NAIP: variants seen among roughly 807,000 people sequenced by gnomAD.
NAIP encodes the protein baculoviral IAP repeat-containing protein 1.
Under a neutral mutation model 23.0 loss-of-function variants are expected in NAIP, and 15 were observed. The observed-to-expected ratio is 0.65, with a 90% CI of 0.44 to 1.00. NAIP has a LOEUF of 1.00. Ranked by LOEUF, NAIP falls within the 50% of genes least tolerant of loss-of-function variation. NAIP has a pLI of 0.00. For missense variants in NAIP, 265 were observed against 278.8 expected (o/e 0.95, Z 0.35); for synonymous variants, 100 against 100.2 (o/e 1.00, Z 0.01).
At chr5:70,980,581 AGAG>A (rs1352082196) in intron 12 of NAIP, among the ~76,000 whole-genome samples, 1 of 40,622 alleles carries the variant, frequency 2.5e-5, no homozygotes, top group Non-Finnish European at 4.9e-5. Context: ...AAAAAAAAGA[AGAG>A]AAAAGAAATA....
At chr5:70,978,109 G>GCACACACA (rs1216316391) in intron 13 of NAIP, among the ~76,000 whole-genome samples, 29 of 22,572 alleles carry the variant, frequency 1.3e-3, no homozygotes, top group African/African-American at 2.2e-3. Context: ...ATATATGTAT[G>GCACACACA]CACACACACA....
At chr5:71,011,957 C>T (rs975945867) in intron 4 of NAIP, among the ~76,000 whole-genome samples, 1 of 151,430 alleles carries the variant, frequency 6.6e-6, no homozygotes, top group African/African-American at 2.4e-5. Flanking sequence ...CAAAACCCTC[C>T]AATACTGCAG....
At position 70,979,584 on chromosome 5, in the gene NAIP, A is replaced by T. The variant is rs1226291424; in HGVS notation, c.3442+285T>A. On this transcript the variant is annotated intron_variant, in intron 13 of 16. Transcript: ENST00000517649. The stretch of plus-strand genomic sequence containing the variant: ...CGGGAGACTGTCTCAAAAAAAAAAA[A>T]AATAATAATAATAATAATAATAATA... 1.6e-3 allele frequency among the ~76,000 whole-genome samples: 70 copies of T among 42,804 alleles called. 22 individuals are homozygous for T. The highest frequency in any genetic ancestry group is 2.9e-3 in the African/African-American group (27 of 9,220). 28.1% of individuals were successfully genotyped at this position (42,804 alleles called of 152,430 possible). A position where few individuals can be genotyped will look rare whatever the true frequency, so the allele number is the denominator to read the frequency against.
intron 4 of NAIP, 197 bp from the exon 5 acceptor site, chr5:71,011,571 C>T: frequency 1.7e-6 from 1 of 585,732 alleles, no homozygotes; most frequent in African/African-American, 1.9e-5. Context: ...AGGTACAGAA[C>T]CCTAAGCTGT....
At chr5:71,014,741 A>G (rs1022355356) in intron 3 of NAIP, among the ~76,000 whole-genome samples, 1 of 151,164 alleles carries the variant, frequency 6.6e-6, no homozygotes, top group Admixed American at 6.6e-5. Flanking sequence ...CATCTCTACA[A>G]AAATAAAAAA....
chr5:70,979,584 A>AAAATAAT (rs1331000647), intron 13 of NAIP, among the ~76,000 whole-genome samples: 1 of 42,822 alleles, frequency 2.3e-5, no homozygotes, highest in African/African-American at 1.1e-4. Flanking sequence ...AAAAAAAAAA[A>AAAATAAT]AATAATAATA....
At position 71,008,227 on chromosome 5, in the gene NAIP, G is replaced by A. The variant is rs555903769; in HGVS notation, c.668+3048C>T. 1.9e-4 allele frequency among the ~76,000 whole-genome samples: 29 copies of A among 149,408 alleles called. 1 individual carries two copies. The highest frequency in any genetic ancestry group is 6.9e-4 in the African/African-American group (28 of 40,758). Reference sequence around the variant, plus strand: ...TGGGGTTACAGGTGCCTGCCACCACGCCTGGCCAATTTTTGTATTTTTAAT... The same window carrying A: ...TGGGGTTACAGGTGCCTGCCACCACACCTGGCCAATTTTTGTATTTTTAAT... On this transcript the variant is annotated intron_variant, in intron 5 of 16. Coordinates refer to ENST00000517649, the MANE Select transcript of NAIP (RefSeq NM_004536.3).
chr5:71,009,186 A>G (rs1300863965), intron 5 of NAIP, among the ~76,000 whole-genome samples: 41 of 147,796 alleles, frequency 2.8e-4, no homozygotes, highest in African/African-American at 9.2e-4. Context: ...CCTTGTCGCT[A>G]TAAAAGATAT....
rs774922854 is a variant in NAIP, at chr5:71,011,417, CA to C, written c.569-44del. On this transcript the variant is annotated intron_variant, in intron 4 of 16. Transcript: ENST00000517649. The stretch of plus-strand genomic sequence containing the variant: ...TATTTAGATTGCCTGGCAGTGGCAC[CA>C]GGGGGTATGTACACAGAGTTGATTG... 16 of 1,453,490 alleles carry C rather than the reference CA, an allele frequency of 1.1e-5. No homozygotes were observed. The African/African-American group carries it at 1.7e-4, about 15-fold the overall frequency. The allele number at this position is 1,453,490 out of a possible 1,614,324, so 90.0% of individuals were successfully genotyped here.
chr5:71,007,967 G>C (rs1293535349), intron 5 of NAIP, among the ~76,000 whole-genome samples: 1 of 135,332 alleles, frequency 7.4e-6, no homozygotes, highest in Admixed American at 7.5e-5. Flanking sequence ...GGGGAGAGGA[G>C]AGTTCATCAC....
At chr5:71,008,444 T>C (rs1750976557) in intron 5 of NAIP, among the ~76,000 whole-genome samples, 1 of 92,830 alleles carries the variant, frequency 1.1e-5, no homozygotes, top group Non-Finnish European at 2.2e-5. Context: ...TCCAGTTTTG[T>C]AGTTAATTTA....
intron 5 of NAIP, 74 bp downstream of exon 5, chr5:71,011,201 C>T: frequency 8.6e-7 from 1 of 1,160,448 alleles, no homozygotes; most frequent in Non-Finnish European, 1.2e-6. Context: ...CCACTATACT[C>T]CAGCCTGGGT....
Position 71,011,641 on chromosome 5 carries a change from C to T in NAIP, c.569-267G>A, listed in dbSNP as rs1335142280. ...GCTGGTATGTTGCTCTTTGAGTTCT[C>T]AGGGTCAAAGTGATAGGGAAGCCGA... On this transcript the variant is annotated intron_variant, in intron 4 of 16. Coordinates refer to ENST00000517649, the MANE Select transcript of NAIP (RefSeq NM_004536.3). 7.9e-6 allele frequency: 4 copies of T among 508,450 alleles called. 1 individual carries two copies. Among genetic ancestry groups the T allele is most frequent in the Non-Finnish European group, 1.4e-5 (4 of 283,266 alleles). 31.5% of individuals were successfully genotyped at this position (508,450 alleles called of 1,614,324 possible).
At chr5:70,996,889 C>G (rs1367378422) in intron 9 of NAIP, among the ~76,000 whole-genome samples, 5 of 79,746 alleles carry the variant, frequency 6.3e-5, no homozygotes, top group Non-Finnish European at 1.3e-4. Flanking sequence ...CATTGTTGGT[C>G]AAACTGTATG....
At position 71,012,923 on chromosome 5, in the gene NAIP, A is replaced by T. The variant is rs1474082804; in HGVS notation, c.-3-5T>A. The T allele has an allele frequency of 6.4e-7, 1 of 1,564,616 alleles. No individual in the cohort carries two copies. The highest frequency in any genetic ancestry group is 8.6e-7 in the Non-Finnish European group (1 of 1,157,386). On this transcript the variant is annotated splice_region_variant and splice_polypyrimidine_tract_variant and intron_variant, in intron 3 of 16. Transcript: ENST00000517649. ...TTTCTGCTGGGTGGCCATTTTCTGA[A>T]AAGGAAAATAAAGCAGGTTGATCCC...
At chr5:71,017,443 A>C (rs115420700) in intron 3 of NAIP, among the ~76,000 whole-genome samples, 10 of 121,796 alleles carry the variant, frequency 8.2e-5, no homozygotes, top group African/African-American at 2.7e-4. Context: ...ACTAGGATAC[A>C]TTAGAAATCT....
At chr5:71,012,974 G>A (rs1751239416) in intron 3 of NAIP, 56 bp from the exon 4 acceptor site, 4 of 1,395,064 alleles carry the variant, frequency 2.9e-6, no homozygotes, top group Non-Finnish European at 9.6e-7. Context: ...TCTTAGAAGA[G>A]CATTTCCCAC....
chr5:71,016,518 T>C (rs1277238971), intron 3 of NAIP, among the ~76,000 whole-genome samples: 55 of 151,766 alleles, frequency 3.6e-4, no homozygotes, highest in Non-Finnish European at 5.2e-4. Flanking sequence ...TTCATTTAAA[T>C]TGAATCATAC....
rs1370436664 is a variant in NAIP at position 71,011,295 on chromosome 5, T to C, written c.648A>G (p.Glu216=). The change falls in exon 5 of 17, where the codon GAA becomes GAG. Residue 216 remains glutamate (E), a synonymous_variant. Coordinates refer to ENST00000517649, the MANE Select transcript of NAIP (RefSeq NM_004536.3). The part of the protein sequence containing the change: ...NWEEGDDPWK[E]HAKWFPKCEF... ...CTTACTTGGGGAACCATTTGGCATG[T>C]TCCTTCCAAGGATCATCTCCTTCTT... 6.2e-7 allele frequency: 1 copy of C among 1,601,770 alleles called. No individual in the cohort carries two copies. Among genetic ancestry groups the C allele is most frequent in the Admixed American group, 1.7e-5 (1 of 58,424 alleles).
Sources: allele counts gnomAD v4.1 joint callset (sites outside exome capture counted in the v4.1 genomes callset), GRCh38; gene constraint gnomAD v4.1.1; transcripts MANE v1.5; gene names NCBI Gene and HGNC (gene_info 2026-07-23, HGNC 2026-07-21).